The following IL12RB2 variants were observed in gnomAD, a reference collection of about 807,000 sequenced individuals.
The protein encoded by IL12RB2 is interleukin-12 receptor subunit beta-2.
Under a neutral mutation model 89.4 loss-of-function variants are expected in IL12RB2, and 82 were observed. The observed-to-expected ratio is 0.92, with a 90% confidence interval of 0.77 to 1.10. IL12RB2 has a LOEUF of 1.10. IL12RB2 is among the 50% of genes least tolerant of loss of function. IL12RB2 has a pLI of 0.00. For missense variants in IL12RB2, 963 were observed against 1,031.9 expected (o/e 0.93, Z 0.92); for synonymous variants, 368 against 370.1 (o/e 0.99, Z 0.07).
chr1:67,360,640 A>G (rs1661934168), intron 10 of IL12RB2, among the ~76,000 whole-genome samples: 1 of 151,844 alleles, frequency 6.6e-6, no homozygotes, highest in Non-Finnish European at 1.5e-5. Context: ...TACTAAAAAT[A>G]CAAAAATTAG....
intron 4 of IL12RB2, among the ~76,000 whole-genome samples, 193 bp from the exon 5 acceptor site, chr1:67,326,542 C>T (rs185404866): frequency 6.6e-6 from 1 of 152,304 alleles, no homozygotes; most frequent in East Asian, 1.9e-4. Context: ...ATATTCACTA[C>T]TATTATTACT....
intron 14 of IL12RB2, among the ~76,000 whole-genome samples, 195 bp downstream of exon 14, chr1:67,380,318 C>T (rs534584641): frequency 6.6e-6 from 1 of 152,326 alleles, no homozygotes; most frequent in African/African-American, 2.4e-5. Flanking sequence ...AATGTCTACT[C>T]ATGTTTCAAA....
At chr1:67,353,761 T>C (rs1426548178) in intron 10 of IL12RB2, among the ~76,000 whole-genome samples, 2 of 152,238 alleles carry the variant, frequency 1.3e-5, no homozygotes, top group African/African-American at 2.4e-5. Context: ...AAGTACTGTG[T>C]ATGTAATTTT....
chr1:67,395,936 G>A lies in IL12RB2; in HGVS notation c.2436G>A (p.Glu812=). ...PSNIDDLPSH[E]APLADSLEEL... ...ACATAGATGACCTCCCCTCACATGA[G>A]GCACCTCTCGCTGACTCTCTGGAAG... The change falls in exon 17 of 17, where the codon GAG becomes GAA. Residue 812 remains glutamate, a synonymous_variant. Coordinates refer to ENST00000674203, the MANE Select transcript of IL12RB2 (RefSeq NM_001374259.2). The A allele has an allele frequency of 6.2e-7, 1 of 1,612,580 alleles. No individual in the cohort carries two copies. Among genetic ancestry groups the A allele is most frequent in the Non-Finnish European group, 8.5e-7 (1 of 1,178,550 alleles).
At chr1:67,341,958 A>G (rs1221287885) in intron 9 of IL12RB2, among the ~76,000 whole-genome samples, 1 of 74,644 alleles carries the variant, frequency 1.3e-5, no homozygotes, top group Non-Finnish European at 4.4e-5. Flanking sequence ...TGAGGTTTCA[A>G]GAGGTGATTT....
At chr1:67,377,916 A>G (rs954786832) in intron 13 of IL12RB2, among the ~76,000 whole-genome samples, 1 of 152,138 alleles carries the variant, frequency 6.6e-6, no homozygotes, top group Non-Finnish European at 1.5e-5. Context: ...ACCTGAGGTC[A>G]GGAGTTCAAG....
At position 67,380,023 on chromosome 1, in the gene IL12RB2, A is replaced by G; in HGVS notation, c.1755A>G (p.Ile585Met). The G allele has an allele frequency of 6.2e-7, 1 of 1,612,638 alleles. No individual in the cohort carries two copies. Among genetic ancestry groups the G allele is most frequent in the Non-Finnish European group, 8.5e-7 (1 of 1,178,596 alleles). ...PYRVSQNSHP[I>M]NSLQPRVTYV... The stretch of plus-strand genomic sequence containing the variant: ...GAGTCTCCCAAAATTCACATCCAAT[A>G]AACAGCCTGCAGCCCCGAGTGACAT... The change falls in exon 14 of 17, where the codon ATA (isoleucine) becomes ATG (methionine). Residue 585 changes from isoleucine (I) to methionine (M), a missense_variant. Physicochemically the swap from Ile to Met is conservative, Grantham distance 10. Transcript: ENST00000674203.
intron 14 of IL12RB2, among the ~76,000 whole-genome samples, chr1:67,385,310 A>T (rs1267391113): frequency 6.6e-6 from 1 of 152,220 alleles, no homozygotes; most frequent in Non-Finnish European, 1.5e-5. Context: ...AGAGCAAAGC[A>T]GGGGTAAAGC....
intron 8 of IL12RB2, among the ~76,000 whole-genome samples, chr1:67,332,133 C>T (rs985565551): frequency 3.3e-5 from 5 of 152,152 alleles, no homozygotes; most frequent in Admixed American, 6.5e-5. Flanking sequence ...ATTCAAGGAA[C>T]GGAAGGGCCT....
chr1:67,390,363 T>C (rs979846500), intron 16 of IL12RB2, among the ~76,000 whole-genome samples: 1 of 152,072 alleles, frequency 6.6e-6, no homozygotes, highest in African/African-American at 2.4e-5. Flanking sequence ...CCTAGCTTTT[T>C]ATACCTCAGT....
At position 67,372,653 on chromosome 1, in the gene IL12RB2, C is replaced by T. The variant is rs763615412; in HGVS notation, c.1587C>T (p.Ala529=). ...KAPLSGPHIN[A]ITEEKGSILI... Reference sequence around the variant, plus strand: ...CACTGAGTGGCCCCCACATTAATGCCATCACAGAGGAAAAGGGGAGCATTT... The same window carrying T: ...CACTGAGTGGCCCCCACATTAATGCTATCACAGAGGAAAAGGGGAGCATTT... The change falls in exon 13 of 17, where the codon GCC becomes GCT. Residue 529 remains alanine (A), a synonymous_variant. Coordinates refer to ENST00000674203, the MANE Select transcript of IL12RB2 (RefSeq NM_001374259.2). The T allele has an allele frequency of 1.9e-6, 3 of 1,613,636 alleles. No homozygotes were observed. In the East Asian group the frequency reaches 6.7e-5, roughly 36 times the overall value.
intron 5 of IL12RB2, among the ~76,000 whole-genome samples, chr1:67,327,967 A>G (rs1275160320): frequency 6.6e-6 from 1 of 152,210 alleles, no homozygotes. Context: ...TTGGTTACCT[A>G]TCTACATGAA....
At chr1:67,318,352 G>A (rs759565513) in intron 2 of IL12RB2, among the ~76,000 whole-genome samples, 2 of 152,176 alleles carry the variant, frequency 1.3e-5, no homozygotes, top group African/African-American at 2.4e-5. Flanking sequence ...TGTGCAGGGG[G>A]TAACATGATC....
intron 13 of IL12RB2, among the ~76,000 whole-genome samples, chr1:67,379,745 A>G (rs1401228570): frequency 6.6e-6 from 1 of 152,156 alleles, no homozygotes; most frequent in Non-Finnish European, 1.5e-5. Flanking sequence ...TAAAGTAAAA[A>G]TAAAAGATTT....
intron 15 of IL12RB2, among the ~76,000 whole-genome samples, chr1:67,386,931 C>A (rs1268841056): frequency 8.9e-5 from 9 of 100,920 alleles, no homozygotes; most frequent in East Asian, 5.8e-4. Context: ...TTTTTTCCCC[C>A]AAAAAAATTT....
chr1:67,319,140 TC>T (rs762144280), intron 2 of IL12RB2, among the ~76,000 whole-genome samples: 13 of 152,254 alleles, frequency 8.5e-5, no homozygotes, highest in Non-Finnish European at 1.9e-4. Flanking sequence ...AGTGAAATTT[TC>T]TGAAGCTCTT....
intron 14 of IL12RB2, among the ~76,000 whole-genome samples, chr1:67,382,222 AAAAG>A (rs1212684726): frequency 1.3e-5 from 2 of 152,220 alleles, no homozygotes; most frequent in Non-Finnish European, 2.9e-5. Context: ...TCTCAATTAA[AAAAG>A]AAAGGAAGGC....
rs117156344 is a variant in IL12RB2, at chr1:67,391,600, C to T, written c.2046+1472C>T. Among the ~76,000 whole-genome samples, 82 of 150,362 alleles carry T rather than the reference C, an allele frequency of 5.5e-4. 2 individuals carry two copies. The East Asian group carries it at 0.015, about 27-fold the overall frequency. On this transcript the variant is annotated intron_variant, in intron 16 of 16. Transcript: ENST00000674203. ...AGGCACTTTTGAAAACATTTTCATA[C>T]GTTAACATTTAACCCATAAACATCT...
intron 14 of IL12RB2, among the ~76,000 whole-genome samples, chr1:67,385,754 A>G (rs528658096): frequency 6.6e-6 from 1 of 152,348 alleles, no homozygotes; most frequent in South Asian, 2.1e-4. Context: ...CAATCACCCT[A>G]GCTAGATAAA....
Sources: allele counts gnomAD v4.1 joint callset (sites outside exome capture counted in the v4.1 genomes callset), GRCh38; gene constraint gnomAD v4.1.1; transcripts MANE v1.5; gene names NCBI Gene and HGNC (gene_info 2026-07-23, HGNC 2026-07-21).